The following CIMIP6 variants were observed in gnomAD, a reference collection of about 807,000 sequenced individuals.
The protein encoded by CIMIP6 is uncharacterized protein C2orf73.
chr2:54,366,440 T>A, the CIMIP6 span, among the ~76,000 whole-genome samples: 9 of 152,226 alleles, frequency 5.9e-5, no homozygotes, highest in Non-Finnish European at 1.0e-4. Flanking sequence ...TTGTTTTCTT[T>A]AATCGCTTGT....
chr2:54,381,926 C>T, the CIMIP6 span: 318 of 1,550,066 alleles, frequency 2.1e-4, no homozygotes, highest in East Asian at 6.1e-4. Flanking sequence ...AGAGAGATCA[C>T]GGGCATGTTT....
chr2:54,367,087 C>CA, the CIMIP6 span, among the ~76,000 whole-genome samples: 1 of 152,084 alleles, frequency 6.6e-6, no homozygotes, highest in African/African-American at 2.4e-5. Flanking sequence ...TGATTAATCA[C>CA]TGTGCTTCAT....
the CIMIP6 span, among the ~76,000 whole-genome samples, chr2:54,337,678 G>GA: frequency 5.9e-5 from 9 of 151,840 alleles, no homozygotes; most frequent in African/African-American, 9.7e-5. Flanking sequence ...AGGTATGTTG[G>GA]AAAAAAAATG....
At chr2:54,372,367 C>T in the CIMIP6 span, among the ~76,000 whole-genome samples, 4 of 152,084 alleles carry the variant, frequency 2.6e-5, no homozygotes, top group African/African-American at 9.7e-5. Flanking sequence ...TACCTGTAGC[C>T]GTATTTGTCC....
At chr2:54,352,804 G>A in the CIMIP6 span, among the ~76,000 whole-genome samples, 1 of 152,146 alleles carries the variant, frequency 6.6e-6, no homozygotes, top group African/African-American at 2.4e-5. Context: ...TAAATGCCAT[G>A]CAAATAGTTG....
chr2:54,381,709 G>A, the CIMIP6 span: 8 of 1,236,880 alleles, frequency 6.5e-6, no homozygotes, highest in Middle Eastern at 2.0e-4. Context: ...TCACTCCTGT[G>A]CCATCTGCCC....
chr2:54,370,345 GCCAC>G, the CIMIP6 span, among the ~76,000 whole-genome samples: 1 of 151,958 alleles, frequency 6.6e-6, no homozygotes, highest in South Asian at 2.1e-4. Flanking sequence ...AAAGCTCCCT[GCCAC>G]CTTTACAAGA....
chr2:54,361,310 C>A, the CIMIP6 span: 1 of 152,168 alleles, frequency 6.6e-6, no homozygotes, highest in African/African-American at 2.4e-5. Context: ...TCATTTCTAG[C>A]ACCAACTCAA....
the CIMIP6 span, among the ~76,000 whole-genome samples, chr2:54,368,050 G>A: frequency 6.6e-6 from 1 of 152,060 alleles, no homozygotes; most frequent in African/African-American, 2.4e-5. Flanking sequence ...ACAATCATAA[G>A]CAAAAAGAGT....
chr2:54,376,422 C>A, the CIMIP6 span, among the ~76,000 whole-genome samples: 7 of 152,314 alleles, frequency 4.6e-5, no homozygotes, highest in South Asian at 1.5e-3. Context: ...TTAAGGATCC[C>A]TAAAATATCA....
chr2:54,359,079 G>A, the CIMIP6 span: 1 of 1,416,824 alleles, frequency 7.1e-7, no homozygotes, highest in African/African-American at 1.4e-5. Flanking sequence ...GGAAAGGTGA[G>A]GCAGTATTTA....
chr2:54,343,724 A>G, the CIMIP6 span: 9 of 1,587,480 alleles, frequency 5.7e-6, no homozygotes, highest in African/African-American at 1.2e-4. Context: ...ATAAAGGGTG[A>G]CTGGTGGTCA....
chr2:54,333,665 G>C, the CIMIP6 span, among the ~76,000 whole-genome samples: 4 of 152,252 alleles, frequency 2.6e-5, no homozygotes, highest in South Asian at 8.3e-4. Flanking sequence ...GAGGCTGGCA[G>C]ATCACCTGAG....
chr2:54,339,064 G>A, the CIMIP6 span, among the ~76,000 whole-genome samples: 1 of 72,916 alleles, frequency 1.4e-5, no homozygotes, highest in East Asian at 2.4e-4. Flanking sequence ...GCTGAGGCAG[G>A]AGAATTGCTT....
At chr2:54,342,113 A>G in the CIMIP6 span, among the ~76,000 whole-genome samples, 1 of 152,188 alleles carries the variant, frequency 6.6e-6, no homozygotes. Flanking sequence ...CAATTATTCC[A>G]TTACTCCTGC....
At chr2:54,336,895 C>G in the CIMIP6 span, among the ~76,000 whole-genome samples, 2 of 152,168 alleles carry the variant, frequency 1.3e-5, no homozygotes, top group Non-Finnish European at 2.9e-5. Flanking sequence ...TTAGTAGCAG[C>G]AGAATCCTAG....
the CIMIP6 span, among the ~76,000 whole-genome samples, chr2:54,336,254 T>G: frequency 7.9e-5 from 12 of 152,210 alleles, no homozygotes; most frequent in African/African-American, 2.9e-4. Context: ...CCCTATGCCC[T>G]TTTGTGGTCA....
the CIMIP6 span, among the ~76,000 whole-genome samples, chr2:54,344,698 G>T: frequency 1.7e-5 from 2 of 120,074 alleles, no homozygotes. Flanking sequence ...CAGTTATTTC[G>T]GTAAATCAAG....
At chr2:54,343,936 A>T in the CIMIP6 span, 1 of 1,351,934 alleles carries the variant, frequency 7.4e-7, no homozygotes, top group Non-Finnish European at 9.8e-7. Context: ...CAAAACTAAG[A>T]TGTATTAGAT....
Sources: gnomAD v4.1 joint callset for allele counts (sites outside exome capture counted in the v4.1 genomes callset) on GRCh38, gnomAD v4.1.1 for gene constraint, MANE v1.5 for transcripts, NCBI Gene and HGNC (gene_info 2026-07-23, HGNC 2026-07-21) for gene names.